KLHL13: variants seen among roughly 807,000 people sequenced by gnomAD.
KLHL13 encodes the protein kelch-like protein 13.
Under a neutral mutation model 37.1 loss-of-function variants are expected in KLHL13, and 10 were observed. The ratio of observed to expected loss-of-function variants is 0.27; its 90% confidence interval spans 0.17 to 0.46. The LOEUF is 0.46. Among genes scored for constraint, KLHL13 ranks in the 20% least tolerant of loss-of-function variants. The pLI is 1.00. For missense variants in KLHL13, 360 were observed against 509.3 expected, an observed-to-expected ratio of 0.71 and a Z score of 2.82; for synonymous variants, 163 against 181.2, an observed-to-expected ratio of 0.90 and a Z score of 0.81.
intron 1 of KLHL13, among the ~76,000 whole-genome samples, chrX:118,085,726 G>A (rs1177534201): frequency 9.2e-6 from 1 of 108,672 alleles, no homozygotes; most frequent in African/African-American, 3.3e-5. Context: ...CAGGATAATG[G>A]CCTCCAGTTC....
At chrX:117,923,831 T>C (rs956122924) in intron 2 of KLHL13, among the ~76,000 whole-genome samples, 2 of 111,739 alleles carry the variant, frequency 1.8e-5, no homozygotes, top group African/African-American at 6.5e-5. Context: ...ACAGATTTTA[T>C]CATTTTGTGT....
chrX:118,018,240 CTTA>C (rs2148003440), intron 1 of KLHL13, among the ~76,000 whole-genome samples: 1 of 111,375 alleles, frequency 9.0e-6, no homozygotes, highest in Non-Finnish European at 1.9e-5. Flanking sequence ...TTCCACCTAC[CTTA>C]TTAATTTTTC....
At chrX:118,018,007 T>A (rs769223002) in intron 1 of KLHL13, among the ~76,000 whole-genome samples, 1 of 111,536 alleles carries the variant, frequency 9.0e-6, no homozygotes, top group East Asian at 2.8e-4. Context: ...TCCTAGACAT[T>A]ACCATAATGC....
At chrX:117,945,403 T>A in intron 2 of KLHL13, 31 bp downstream of exon 3, 1 of 1,192,346 alleles carries the variant, frequency 8.4e-7, no homozygotes, top group Non-Finnish European at 1.1e-6. Flanking sequence ...TAAAGCTACG[T>A]AAACACTACC....
chrX:118,015,183 G>A (rs913142549), intron 1 of KLHL13, among the ~76,000 whole-genome samples: 2 of 111,483 alleles, frequency 1.8e-5, no homozygotes, highest in Non-Finnish European at 3.8e-5. Flanking sequence ...AGACTTCAGA[G>A]CCTCACCCTT....
chrX:118,105,712 T>C (rs1176603562), intron 1 of KLHL13, among the ~76,000 whole-genome samples: 1 of 111,744 alleles, frequency 8.9e-6, no homozygotes, highest in Non-Finnish European at 1.9e-5. Flanking sequence ...TATAATTGCT[T>C]GTTCATAAAT....
intron 1 of KLHL13, among the ~76,000 whole-genome samples, chrX:118,044,868 A>G (rs112258608): frequency 4.4e-5 from 5 of 112,361 alleles, no homozygotes; most frequent in African/African-American, 1.6e-4. Context: ...ACAGACAACC[A>G]AAGCAAAAAT....
intron 1 of KLHL13, among the ~76,000 whole-genome samples, chrX:118,072,191 G>C (rs1268628576): frequency 4.8e-4 from 53 of 109,693 alleles, no homozygotes; most frequent in African/African-American, 1.6e-3. Context: ...CTACAACTAT[G>C]TGATCTTTGA....
At chrX:117,928,050 G>T (rs1352934899) in intron 2 of KLHL13, among the ~76,000 whole-genome samples, 2 of 112,014 alleles carry the variant, frequency 1.8e-5, no homozygotes, top group African/African-American at 6.5e-5. Flanking sequence ...AATAAACCTA[G>T]CATGACTACA....
chrX:118,111,915 A>G (rs2055415697), intron 1 of KLHL13, among the ~76,000 whole-genome samples: 1 of 112,146 alleles, frequency 8.9e-6, no homozygotes, highest in Non-Finnish European at 1.9e-5. Flanking sequence ...AAGAAAAAGA[A>G]AAAGAGAAAA....
intron 1 of KLHL13, among the ~76,000 whole-genome samples, chrX:118,076,943 C>G (rs1216065453): frequency 1.8e-5 from 2 of 108,549 alleles, no homozygotes; most frequent in Non-Finnish European, 3.8e-5. Flanking sequence ...TTCTCTCAAC[C>G]CCCACCCCTT....
At chrX:117,960,961 G>A (rs1438265576) in intron 1 of KLHL13, among the ~76,000 whole-genome samples, 2 of 111,812 alleles carry the variant, frequency 1.8e-5, no homozygotes, top group African/African-American at 3.2e-5. Flanking sequence ...CTTTTAATAA[G>A]AGACTTGGGC....
At position 118,045,282 on chromosome X, in the gene KLHL13, G is replaced by A. The variant is rs187457451; in HGVS notation, c.-56+71226C>T. Among the ~76,000 whole-genome samples, 148 of 108,239 alleles carry A rather than the reference G, an allele frequency of 1.4e-3. 1 individual carries two copies. The highest frequency in any genetic ancestry group is 4.8e-3 in the African/African-American group (142 of 29,614). The allele number at this position is 108,239 out of a possible 115,157, so 94.0% of individuals were successfully genotyped here. A position where few individuals can be genotyped will look rare whatever the true frequency, so the allele number is the denominator to read the frequency against. ...TCAGTTACTAGGGAGGCTGAGGCAG[G>A]AGAATGGCGTGAACCTGGGAGGTGG... On this transcript the variant is annotated intron_variant, in intron 1 of 6. Coordinates refer to the KLHL13 transcript ENST00000371882.
intron 1 of KLHL13, among the ~76,000 whole-genome samples, chrX:117,997,887 A>G (rs1382755509): frequency 8.9e-6 from 1 of 112,367 alleles, no homozygotes; most frequent in East Asian, 2.8e-4. Flanking sequence ...ACATTTGAAA[A>G]CATAGAAGAG....
At chrX:118,081,679 T>C (rs1345799387) in intron 1 of KLHL13, among the ~76,000 whole-genome samples, 1 of 111,392 alleles carries the variant, frequency 9.0e-6, no homozygotes. Context: ...TATTAAACAC[T>C]AGAACTTATT....
At chrX:118,097,097 G>A (rs1258459682) in intron 1 of KLHL13, among the ~76,000 whole-genome samples, 76 of 110,787 alleles carry the variant, frequency 6.9e-4, no homozygotes, top group Non-Finnish European at 1.2e-3. Context: ...GGCAGGAGAA[G>A]GAAATAAAGG....
intron 1 of KLHL13, among the ~76,000 whole-genome samples, chrX:118,011,940 A>T (rs769235807): frequency 4.1e-4 from 46 of 112,602 alleles, no homozygotes; most frequent in African/African-American, 1.4e-3. Flanking sequence ...TAAGAAAAAT[A>T]TAGATAAATA....
chrX:117,975,393 G>C (rs1403766711), upstream of KLHL13, among the ~76,000 whole-genome samples: 1 of 112,090 alleles, frequency 8.9e-6, no homozygotes, highest in Non-Finnish European at 1.9e-5. Flanking sequence ...GAATCTTTTT[G>C]TTTGTTTGCT....
intron 1 of KLHL13, among the ~76,000 whole-genome samples, chrX:118,086,685 G>T (rs920021574): frequency 1.8e-5 from 2 of 111,808 alleles, no homozygotes; most frequent in African/African-American, 6.5e-5. Flanking sequence ...GCTTGTATTT[G>T]CATAGAAAAC....
Sources: allele counts gnomAD v4.1 joint callset (sites outside exome capture counted in the v4.1 genomes callset), GRCh38; gene constraint gnomAD v4.1.1; transcripts MANE v1.5; gene names NCBI Gene and HGNC (gene_info 2026-07-23, HGNC 2026-07-21).